The following LAMB1 variants were observed in gnomAD, a reference collection of about 807,000 sequenced individuals.
LAMB1 encodes the protein laminin subunit beta 1, also known as laminin subunit beta-1.
In LAMB1, 121 loss-of-function variants were observed where a neutral mutation model predicts 222.3. That is an observed-to-expected ratio of 0.54 (90% CI 0.47 to 0.63). The LOEUF (loss-of-function observed/expected upper bound fraction) is 0.63. Ranked by LOEUF, LAMB1 falls within the 30% of genes least tolerant of loss-of-function variation. LAMB1 has a pLI of 0.00. For synonymous variants in LAMB1, 794 were observed against 807.2 expected, an observed-to-expected ratio of 0.98 and a Z score of 0.28; for missense variants, 2,172 against 2,240.8, an observed-to-expected ratio of 0.97 and a Z score of 0.62.
rs2032508691 is a variant in LAMB1 at position 107,924,313 on chromosome 7, T to C, written c.5141A>G (p.Asp1714Gly). 1 of 1,613,242 alleles carries C rather than the reference T, an allele frequency of 6.2e-7. No individual in the cohort carries two copies. Among genetic ancestry groups the C allele is most frequent in the African/African-American group, 1.3e-5 (1 of 74,880 alleles). ...LIAKKTEESA[D>G]ARRKAEMLQN... Reference sequence around the variant, plus strand: ...TAGCATTTCGGCTTTCCTTCTGGCATCAGCTGACTCTTCAGTTTTTTTGGC... The same window carrying C: ...TAGCATTTCGGCTTTCCTTCTGGCACCAGCTGACTCTTCAGTTTTTTTGGC... The change falls in exon 33 of 34, where the codon GAT becomes GGT. Residue 1714 changes from aspartate to glycine, a missense_variant. Asp to Gly is a moderately conservative substitution (Grantham distance 94). Transcript: ENST00000222399.
At chr7:107,944,699 A>G (rs1386892550) in intron 24 of LAMB1, among the ~76,000 whole-genome samples, 2 of 145,852 alleles carry the variant, frequency 1.4e-5, no homozygotes, top group Non-Finnish European at 3.1e-5. Flanking sequence ...ACAACCTTGT[A>G]AAAAGACCCC....
At chr7:107,933,188 T>G (rs1196109049) in intron 27 of LAMB1, among the ~76,000 whole-genome samples, 1 of 152,168 alleles carries the variant, frequency 6.6e-6, no homozygotes, top group African/African-American at 2.4e-5. Context: ...ATAATACAAG[T>G]GTGCTATATG....
rs2034420245 is a variant in LAMB1, at chr7:108,002,983, GA to G, written c.-86-13del. 2 of 1,574,772 alleles carry G rather than the reference GA, an allele frequency of 1.3e-6. No individual in the cohort carries two copies. Among genetic ancestry groups the G allele is most frequent in the African/African-American group, 2.7e-5 (2 of 72,774 alleles). On this transcript the variant is annotated splice_polypyrimidine_tract_variant and intron_variant, in intron 1 of 33. Transcript: ENST00000222399. ...TCCCGTCTTCCTTTCTGGAGAGGTGGAAAGGAGGGGAAAAAAGGCAAATGTT... is the reference window on the plus strand; with the variant it reads ...TCCCGTCTTCCTTTCTGGAGAGGTGGAAGGAGGGGAAAAAAGGCAAATGTT...
chr7:107,935,347 G>GGT (rs2032817491), intron 27 of LAMB1, 68 bp downstream of exon 27: 2 of 1,173,268 alleles, frequency 1.7e-6, no homozygotes, highest in African/African-American at 4.8e-5. Context: ...GTTTTTCTTT[G>GGT]TTTTTTTTTT....
intron 9 of LAMB1, among the ~76,000 whole-genome samples, chr7:107,977,697 T>G (rs1490706362): frequency 6.6e-6 from 1 of 152,054 alleles, no homozygotes; most frequent in Non-Finnish European, 1.5e-5. Flanking sequence ...GAGAATCGCT[T>G]GAACCTGGGA....
In LAMB1 at chr7:107,943,063, G is replaced by T. The variant is rs187722181; in HGVS notation, c.3392-2705C>A. 3.9e-5 allele frequency among the ~76,000 whole-genome samples: 6 copies of T among 152,252 alleles called. No homozygotes were observed. In the East Asian group the frequency reaches 1.2e-3, roughly 29 times the overall value. ...GTATGTTTCATTTTTCTTGTTTGGG[G>T]AATATTCTCGTAATGAATCAGGAAG... On this transcript the variant is annotated intron_variant, in intron 24 of 33. Coordinates refer to ENST00000222399, the MANE Select transcript of LAMB1 (RefSeq NM_002291.3).
At chr7:108,000,204 A>AC (rs1299434943) in intron 3 of LAMB1, among the ~76,000 whole-genome samples, 1 of 151,952 alleles carries the variant, frequency 6.6e-6, no homozygotes, top group Non-Finnish European at 1.5e-5. Context: ...AACTCAAAAA[A>AC]AAAAAAAGTT....
At chr7:107,995,046 C>A in intron 4 of LAMB1, 86 bp from the exon 5 acceptor site, 1 of 696,000 alleles carries the variant, frequency 1.4e-6, no homozygotes, top group East Asian at 2.7e-5. Flanking sequence ...TTTTAAATTA[C>A]TTTTATGTTC....
chr7:107,975,395 G>C lies in LAMB1; in HGVS notation c.1208C>G (p.Ala403Gly). Residue 403 changes from alanine (A) to glycine (G), a missense_variant, in exon 11 of 34, where the codon GCT becomes GGT. Ala to Gly is a moderately conservative substitution (Grantham distance 60). Transcript: ENST00000222399. ...ACAAATTCCCTCATTTTGAGAGCCA[G>C]CTGGGTCACACGTACATCCTGAGAA... ...NFCERCTCDP[A>G]GSQNEGICDS... is the part of the protein sequence containing the mutation. 6.2e-7 allele frequency: 1 copy of C among 1,612,948 alleles called. No individual in the cohort carries two copies.
At chr7:107,987,229 T>C (rs935667209) in intron 5 of LAMB1, among the ~76,000 whole-genome samples, 3 of 152,214 alleles carry the variant, frequency 2.0e-5, no homozygotes, top group Admixed American at 1.3e-4. Flanking sequence ...ATTCCACTTG[T>C]ATGAAATACC....
intron 7 of LAMB1, among the ~76,000 whole-genome samples, chr7:107,985,718 G>A (rs1244254470): frequency 6.6e-6 from 1 of 152,118 alleles, no homozygotes; most frequent in Non-Finnish European, 1.5e-5. Flanking sequence ...AGCACTTTGG[G>A]AGGCTGAGGT....
chr7:107,990,027 GTTTT>G (rs1554412851), intron 5 of LAMB1, among the ~76,000 whole-genome samples: 1 of 54,746 alleles, frequency 1.8e-5, no homozygotes, highest in African/African-American at 4.6e-5. Flanking sequence ...AGTTTTTTGT[GTTTT>G]TTTTTGTTTG....
intron 24 of LAMB1, among the ~76,000 whole-genome samples, chr7:107,948,594 A>G (rs2033178367): frequency 6.6e-6 from 1 of 152,204 alleles, no homozygotes; most frequent in Non-Finnish European, 1.5e-5. Context: ...TAGGGTCACG[A>G]ATACGAATGA....
rs2034387341 is a variant in LAMB1 at position 108,001,673 on chromosome 7, C to T, written c.98G>A (p.Gly33Asp). 2 of 1,612,370 alleles carry T rather than the reference C, an allele frequency of 1.2e-6. No individual in the cohort carries two copies. Among genetic ancestry groups the T allele is most frequent in the Non-Finnish European group, 8.5e-7 (1 of 1,179,708 alleles). Residue 33 changes from glycine to aspartate, a missense_variant, in exon 3 of 34, where the codon GGC becomes GAC. Physicochemically the swap from Gly to Asp is moderately conservative, Grantham distance 94 (BLOSUM62 -1). Transcript: ENST00000222399. Reference sequence around the variant, plus strand: ...GTCGCCCGTGGCGGGATAGCAGCTGCCTTCTGCGCAGCCGTAGCTGAACTC... The same window carrying T: ...GTCGCCCGTGGCGGGATAGCAGCTGTCTTCTGCGCAGCCGTAGCTGAACTC... ...EPEFSYGCAE[G>D]SCYPATGDLL... is the part of the protein sequence containing the mutation.
intron 2 of LAMB1, chr7:108,002,154 G>A (rs780649070): frequency 6.9e-7 from 1 of 1,443,338 alleles, no homozygotes; most frequent in Non-Finnish European, 9.2e-7. Context: ...CGTGCACGCG[G>A]CAGCCCGCGC....
chr7:107,992,349 G>C (rs538097071), intron 5 of LAMB1, among the ~76,000 whole-genome samples: 1 of 152,202 alleles, frequency 6.6e-6, no homozygotes, highest in South Asian at 2.1e-4. Context: ...TAAGTTATTT[G>C]CAAGTATATC....
At chr7:107,987,357 A>G (rs866460745) in intron 5 of LAMB1, among the ~76,000 whole-genome samples, 10 of 152,206 alleles carry the variant, frequency 6.6e-5, no homozygotes, top group Non-Finnish European at 1.3e-4. Flanking sequence ...GGAAATAGAC[A>G]GTCTTAGTGG....
At chr7:107,926,124 A>G (rs904157970) in intron 32 of LAMB1, 59 bp downstream of exon 32, 13 of 1,324,794 alleles carry the variant, frequency 9.8e-6, no homozygotes, top group African/African-American at 8.7e-5. Flanking sequence ...AAGGCAGGCA[A>G]GGAGGAGACT....
chr7:107,960,449 G>C lies in LAMB1; in HGVS notation c.2310C>G (p.Gly770=). 6.2e-7 allele frequency: 1 copy of C among 1,612,646 alleles called. No individual in the cohort carries two copies. The highest frequency in any genetic ancestry group is 1.7e-4 in the Middle Eastern group (1 of 5,916). Reference sequence around the variant, plus strand: ...CAGCTGCCCAGCAATACCTACCCAGGCCTGTCTGGTGTAACAGGGCAGAAA... The same window carrying C: ...CAGCTGCCCAGCAATACCTACCCAGCCCTGTCTGGTGTAACAGGGCAGAAA... ...FSISALLHQT[G]LACECDPQGS... Residue 770 remains glycine (G), a synonymous_variant, in exon 18 of 34, where the codon GGC becomes GGG. Transcript: ENST00000222399.
Sources: gnomAD v4.1 joint callset for allele counts (sites outside exome capture counted in the v4.1 genomes callset) on GRCh38, gnomAD v4.1.1 for gene constraint, MANE v1.5 for transcripts, NCBI Gene and HGNC (gene_info 2026-07-23, HGNC 2026-07-21) for gene names.